COL26A1: variants seen among roughly 807,000 people sequenced by gnomAD.
The protein encoded by COL26A1 is collagen alpha-1(XXVI) chain.
A neutral mutation model predicts 59.3 loss-of-function variants in COL26A1; 41 were observed. That is an observed-to-expected ratio of 0.69 (90% CI 0.54 to 0.90). COL26A1 has a LOEUF of 0.90. Among genes scored for constraint, COL26A1 ranks in the 40% least tolerant of loss-of-function variants. COL26A1 has a pLI of 0.00. For missense variants in COL26A1, 612 were observed against 602.3 expected (o/e 1.02, Z -0.17); for synonymous variants, 266 against 256.0 (o/e 1.04, Z -0.37).
intron 3 of COL26A1, among the ~76,000 whole-genome samples, chr7:101,522,844 G>C (rs1795167013): frequency 1.3e-5 from 2 of 151,700 alleles, no homozygotes; most frequent in Admixed American, 6.6e-5. Context: ...AAGAGTAACT[G>C]TTAGTCTTTT....
At chr7:101,489,655 T>C (rs376313052) in intron 3 of COL26A1, among the ~76,000 whole-genome samples, 1 of 75,396 alleles carries the variant, frequency 1.3e-5, no homozygotes, top group Non-Finnish European at 2.4e-5. Context: ...CTTTCTTTCT[T>C]TCTTTCTTCC....
chr7:101,519,771 C>T (rs1795102430), intron 3 of COL26A1, among the ~76,000 whole-genome samples: 1 of 152,222 alleles, frequency 6.6e-6, no homozygotes, highest in Non-Finnish European at 1.5e-5. Flanking sequence ...ACTAACGGAG[C>T]TAGAAGTCAC....
chr7:101,501,399 GC>G (rs1794704442), intron 3 of COL26A1, among the ~76,000 whole-genome samples: 1 of 151,860 alleles, frequency 6.6e-6, no homozygotes, highest in Non-Finnish European at 1.5e-5. Flanking sequence ...GTACCTAAAT[GC>G]CCCCACAGCA....
At chr7:101,494,442 G>T (rs1393978979) in intron 3 of COL26A1, among the ~76,000 whole-genome samples, 1 of 152,144 alleles carries the variant, frequency 6.6e-6, no homozygotes, top group East Asian at 1.9e-4. Flanking sequence ...TTGCATTGTT[G>T]ATGTTGTTGT....
chr7:101,371,287 C>T (rs1791185525), intron 1 of COL26A1, among the ~76,000 whole-genome samples: 2 of 152,306 alleles, frequency 1.3e-5, no homozygotes. Context: ...ACTTGTCCCT[C>T]CGACTGGATT....
chr7:101,481,219 A>T (rs1201771004), intron 3 of COL26A1, among the ~76,000 whole-genome samples: 1 of 152,020 alleles, frequency 6.6e-6, no homozygotes, highest in Non-Finnish European at 1.5e-5. Flanking sequence ...TCCTTATTTC[A>T]TGGGTTATCA....
Position 101,363,064 on chromosome 7 carries a change from G to C in COL26A1, c.32G>C (p.Cys11Ser). The change falls in exon 1 of 13, where the codon TGT becomes TCT. Residue 11 changes from cysteine (C) to serine (S), a missense_variant. Transcript: ENST00000313669. ...CTGGCCCTGCTCCTGCCCTGGGCGT[G>C]TTGCTGCCTCTGCGGGTCGGCGCTG... MKLALLLPWA[C>S]CCLCGSALAT... 6.3e-7 allele frequency: 1 copy of C among 1,582,446 alleles called. No individual in the cohort carries two copies. The highest frequency in any genetic ancestry group is 8.5e-7 in the Non-Finnish European group (1 of 1,172,976).
At chr7:101,536,825 A>C (rs1419881206) in intron 4 of COL26A1, among the ~76,000 whole-genome samples, 1 of 152,240 alleles carries the variant, frequency 6.6e-6, no homozygotes, top group Non-Finnish European at 1.5e-5. Context: ...CTGACTTCTT[A>C]GTGAGCTGGT....
At chr7:101,476,697 G>T (rs372006508) in intron 3 of COL26A1, among the ~76,000 whole-genome samples, 1 of 146,686 alleles carries the variant, frequency 6.8e-6, no homozygotes, top group Admixed American at 6.8e-5. Context: ...ACAGGCGCCC[G>T]CCACCACACC....
chr7:101,397,349 TTTCCTTCC>T (rs72039447), intron 1 of COL26A1, among the ~76,000 whole-genome samples: 5 of 151,558 alleles, frequency 3.3e-5, no homozygotes, highest in East Asian at 3.9e-4. Flanking sequence ...ATTGCTTTCT[TTTCCTTCC>T]TTCCTTCCTT....
chr7:101,555,730 T>C (rs1745710217), intron 11 of COL26A1, 57 bp from the exon 12 acceptor site: 1 of 1,329,574 alleles, frequency 7.5e-7, no homozygotes, highest in African/African-American at 1.4e-5. Context: ...TGTATCAGGA[T>C]GGCCCTGACC....
Position 101,545,354 on chromosome 7 carries a change from A to AGG in COL26A1, c.722_723dup (p.Pro242GlyfsTer108). ...TCATTGCAGGGCTCCTGGGGCCTCC[A>AGG]GGGCCCCGTGGGCTTCCTGGAGAGA... On this transcript the variant is annotated frameshift_variant, in exon 7 of 13. Coordinates refer to ENST00000313669, the MANE Select transcript of COL26A1 (RefSeq NM_001278563.3). LOFTEE classifies it high-confidence loss of function. 6.4e-7 allele frequency: 1 copy of AGG among 1,572,854 alleles called. No homozygotes were observed. Among genetic ancestry groups the AGG allele is most frequent in the Non-Finnish European group, 8.6e-7 (1 of 1,166,204 alleles).
intron 3 of COL26A1, among the ~76,000 whole-genome samples, chr7:101,457,683 T>C (rs1793509371): frequency 6.6e-6 from 1 of 152,224 alleles, no homozygotes; most frequent in African/African-American, 2.4e-5. Context: ...CTGTTCTGAC[T>C]TCTATCATCA....
intron 1 of COL26A1, among the ~76,000 whole-genome samples, chr7:101,380,194 A>T (rs1048240059): frequency 6.6e-6 from 1 of 150,636 alleles, no homozygotes; most frequent in Non-Finnish European, 1.5e-5. Flanking sequence ...GTTTCACTAT[A>T]TTGGCCAGGC....
chr7:101,530,775 T>C (rs963172085), intron 3 of COL26A1, among the ~76,000 whole-genome samples: 10 of 151,920 alleles, frequency 6.6e-5, no homozygotes, highest in African/African-American at 2.4e-4. Context: ...TCTGGGGCAT[T>C]TTGAGCCCCA....
At chr7:101,498,356 G>T (rs1220147496) in intron 3 of COL26A1, among the ~76,000 whole-genome samples, 1 of 152,182 alleles carries the variant, frequency 6.6e-6, no homozygotes, top group Non-Finnish European at 1.5e-5. Context: ...GCTGCCCCTA[G>T]TGCTCAGTTC....
At position 101,440,239 on chromosome 7, in the gene COL26A1, G is replaced by A. The variant is rs771247654; in HGVS notation, c.282-7445G>A. Among the ~76,000 whole-genome samples, 8 of 152,062 alleles carry A rather than the reference G, an allele frequency of 5.3e-5. No individual in the cohort carries two copies. In the South Asian group the frequency reaches 6.2e-4, roughly 12 times the overall value. On this transcript the variant is annotated intron_variant, in intron 2 of 12. Transcript: ENST00000313669. The stretch of plus-strand genomic sequence containing the variant: ...AAATTAGCCAGGTGTGGTGGTGTGC[G>A]CCTGTAATCCCAGCTACTCAGGAGG...
In COL26A1 at chr7:101,388,895, G is replaced by A. The variant is rs546322449; in HGVS notation, c.158+25705G>A. The A allele has an allele frequency of 4.5e-5, 8 of 176,872 alleles. No individual in the cohort carries two copies. In the South Asian group the frequency reaches 7.5e-4, roughly 16 times the overall value. 11.0% of individuals were successfully genotyped at this position (176,872 alleles called of 1,614,324 possible). On this transcript the variant is annotated intron_variant, in intron 1 of 12. Transcript: ENST00000313669. ...TTTTCTTTTCAGCCTTGGACTTAGC[G>A]ACTGAGTAGCTCCTCTTGTACATTG...
At chr7:101,495,526 G>A (rs1426041492) in intron 3 of COL26A1, among the ~76,000 whole-genome samples, 3 of 151,610 alleles carry the variant, frequency 2.0e-5, no homozygotes, top group Non-Finnish European at 4.4e-5. Context: ...CTCCTGCCTC[G>A]GCCTCCCGAG....
Sources: allele counts gnomAD v4.1 joint callset (sites outside exome capture counted in the v4.1 genomes callset), GRCh38; gene constraint gnomAD v4.1.1; transcripts MANE v1.5; gene names NCBI Gene and HGNC (gene_info 2026-07-23, HGNC 2026-07-21).